Variants in PLD5 observed in about 807,000 individuals in gnomAD.
PLD5 encodes the protein phospholipase D family member 5.
In PLD5, 36 loss-of-function variants were observed where a neutral mutation model predicts 61.1. That is an observed-to-expected ratio of 0.59 (90% CI 0.45 to 0.78). PLD5 has a LOEUF of 0.78. Ranked by LOEUF, PLD5 falls within the 30% of genes least tolerant of loss-of-function variation. The pLI is 0.00. For synonymous variants in PLD5, 243 were observed against 242.8 expected (o/e 1.00, Z -0.01); for missense variants, 515 against 644.4 (o/e 0.80, Z 2.17).
chr1:242,417,250 A>G (rs1024507901), intron 1 of PLD5, among the ~76,000 whole-genome samples: 1 of 152,120 alleles, frequency 6.6e-6, no homozygotes, highest in African/African-American at 2.4e-5. Context: ...AGGGGGCAAG[A>G]CTCAACTGCA....
At chr1:242,241,918 G>GTATA (rs199673112) in intron 4 of PLD5, among the ~76,000 whole-genome samples, 10 of 102,624 alleles carry the variant, frequency 9.7e-5, no homozygotes, top group South Asian at 6.8e-4. Flanking sequence ...TATACTTACT[G>GTATA]TATATATATA....
intron 5 of PLD5, among the ~76,000 whole-genome samples, chr1:242,138,148 A>G (rs180878132): frequency 8.7e-4 from 133 of 152,344 alleles, no homozygotes; most frequent in African/African-American, 2.0e-3. Context: ...GTAGACTGGT[A>G]TCCCAGATTT....
intron 1 of PLD5, among the ~76,000 whole-genome samples, chr1:242,446,209 C>T (rs551685846): frequency 6.6e-6 from 1 of 151,130 alleles, no homozygotes; most frequent in South Asian, 2.1e-4. Context: ...ATACTTATAC[C>T]TCATACATTT....
chr1:242,288,239 G>C (rs1248536560), intron 3 of PLD5, 123 bp downstream of exon 3: 1 of 1,359,110 alleles, frequency 7.4e-7, no homozygotes, highest in African/African-American at 1.5e-5. Flanking sequence ...TAATGTACAT[G>C]TACTCTGGGT....
At chr1:242,429,914 T>G (rs2102886720) in intron 1 of PLD5, among the ~76,000 whole-genome samples, 1 of 150,800 alleles carries the variant, frequency 6.6e-6, no homozygotes, top group East Asian at 1.9e-4. Flanking sequence ...AGAATTCATT[T>G]TTAGGTCATT....
chr1:242,404,523 AGGGGTGG>A (rs937160603), intron 1 of PLD5, among the ~76,000 whole-genome samples: 2 of 151,990 alleles, frequency 1.3e-5, no homozygotes, highest in Middle Eastern at 3.2e-3. Flanking sequence ...GGAGGTAGGG[AGGGGTGG>A]GGGATCAAGT....
At chr1:242,496,675 T>C (rs561765056) in intron 1 of PLD5, among the ~76,000 whole-genome samples, 65 of 152,330 alleles carry the variant, frequency 4.3e-4, no homozygotes, top group African/African-American at 1.0e-3. Flanking sequence ...ATGTATACAA[T>C]TGGTGTCTTT....
At chr1:242,219,521 G>A (rs1670429420) in intron 5 of PLD5, among the ~76,000 whole-genome samples, 1 of 152,296 alleles carries the variant, frequency 6.6e-6, no homozygotes, top group South Asian at 2.1e-4. Flanking sequence ...AATCCTAAGT[G>A]TGTGAAAATG....
intron 4 of PLD5, among the ~76,000 whole-genome samples, chr1:242,243,370 G>A (rs1446991754): frequency 6.6e-6 from 1 of 152,208 alleles, no homozygotes; most frequent in Non-Finnish European, 1.5e-5. Context: ...AATTAAATGA[G>A]GAGGGTTATA....
At chr1:242,335,550 C>T (rs1659453549) in intron 2 of PLD5, among the ~76,000 whole-genome samples, 1 of 152,182 alleles carries the variant, frequency 6.6e-6, no homozygotes, top group South Asian at 2.1e-4. Flanking sequence ...TAAATAGCAT[C>T]ACTGAGAATT....
At chr1:242,202,926 G>C (rs1012503527) in intron 5 of PLD5, among the ~76,000 whole-genome samples, 10 of 152,000 alleles carry the variant, frequency 6.6e-5, no homozygotes, top group African/African-American at 2.2e-4. Flanking sequence ...GGTGTGAGAG[G>C]GGGTCTTTGT....
intron 1 of PLD5, among the ~76,000 whole-genome samples, chr1:242,417,505 G>A (rs1172596529): frequency 6.6e-6 from 1 of 152,166 alleles, no homozygotes; most frequent in African/African-American, 2.4e-5. Flanking sequence ...TATAAATATG[G>A]CTGCAGAACT....
intron 1 of PLD5, among the ~76,000 whole-genome samples, chr1:242,400,371 A>G (rs1663859120): frequency 1.3e-5 from 2 of 151,310 alleles, no homozygotes; most frequent in Non-Finnish European, 2.9e-5. Context: ...TGAATATCCC[A>G]CTATTCAGGC....
intron 1 of PLD5, among the ~76,000 whole-genome samples, chr1:242,503,054 C>T (rs993178989): frequency 5.3e-5 from 8 of 151,968 alleles, no homozygotes; most frequent in African/African-American, 1.9e-4. Context: ...AGCAAGACTC[C>T]GTCTCAAAAA....
chr1:242,176,273 A>C (rs935280580), intron 5 of PLD5, among the ~76,000 whole-genome samples: 3 of 152,234 alleles, frequency 2.0e-5, no homozygotes, highest in African/African-American at 7.2e-5. Flanking sequence ...GCCCTCAGAA[A>C]TAACACCACA....
intron 1 of PLD5, among the ~76,000 whole-genome samples, chr1:242,371,273 C>T (rs12059099): frequency 6.6e-6 from 1 of 152,020 alleles, no homozygotes; most frequent in African/African-American, 2.4e-5. Flanking sequence ...TGAGAGAGAA[C>T]CTTTAAACCA....
intron 6 of PLD5, among the ~76,000 whole-genome samples, chr1:242,119,827 A>G (rs567392611): frequency 2.8e-4 from 43 of 152,206 alleles, no homozygotes; most frequent in Non-Finnish European, 4.7e-4. Flanking sequence ...ACTCCTATGT[A>G]TAAACTCGAA....
intron 7 of PLD5, among the ~76,000 whole-genome samples, 200 bp downstream of exon 7, chr1:242,113,690 G>A (rs993599019): frequency 6.6e-6 from 1 of 152,178 alleles, no homozygotes; most frequent in Non-Finnish European, 1.5e-5. Flanking sequence ...GTGAGACCAT[G>A]AGCCTTCAAA....
At chr1:242,377,412 G>C in intron 1 of PLD5, 1 of 1,088,694 alleles carries the variant, frequency 9.2e-7, no homozygotes, top group Non-Finnish European at 1.4e-6. Flanking sequence ...CTTGGGACTG[G>C]GGACCTTGGT....
Sources: gnomAD v4.1 joint callset for allele counts (sites outside exome capture counted in the v4.1 genomes callset) on GRCh38, gnomAD v4.1.1 for gene constraint, MANE v1.5 for transcripts, NCBI Gene and HGNC (gene_info 2026-07-23, HGNC 2026-07-21) for gene names.